The following HS6ST3 variants were observed in gnomAD, a reference collection of about 807,000 sequenced individuals.
The protein encoded by HS6ST3 is heparan-sulfate 6-O-sulfotransferase 3.
HS6ST3 carries 12 observed loss-of-function variants against 36.7 expected under a neutral mutation model. That is an observed-to-expected ratio of 0.33 (90% CI 0.21 to 0.53). HS6ST3 has a LOEUF of 0.53. Ranked by LOEUF, HS6ST3 falls within the 20% of genes least tolerant of loss-of-function variation. The probability of loss-of-function intolerance (pLI) is 0.95; values close to 1 mark genes in which losing one functional copy is unlikely to be tolerated. For missense variants in HS6ST3, 584 were observed against 640.9 expected (o/e 0.91, Z 0.96); for synonymous variants, 240 against 257.5 (o/e 0.93, Z 0.65).
chr13:96,669,297 T>C (rs1290390363), intron 1 of HS6ST3, among the ~76,000 whole-genome samples: 1 of 152,196 alleles, frequency 6.6e-6, no homozygotes, highest in East Asian at 1.9e-4. Flanking sequence ...GGTGGCACTG[T>C]AGTGCACTGT....
At chr13:96,519,483 T>C (rs1013253176) in intron 1 of HS6ST3, among the ~76,000 whole-genome samples, 9 of 152,216 alleles carry the variant, frequency 5.9e-5, no homozygotes, top group Non-Finnish European at 1.0e-4. Flanking sequence ...GATGGGTGTT[T>C]CTGGGCATGG....
At chr13:96,488,185 GA>G (rs1201630332) in intron 1 of HS6ST3, among the ~76,000 whole-genome samples, 1 of 151,970 alleles carries the variant, frequency 6.6e-6, no homozygotes, top group Non-Finnish European at 1.5e-5. Context: ...TGCACCCCGT[GA>G]ACTTGGCTTC....
intron 1 of HS6ST3, among the ~76,000 whole-genome samples, chr13:96,118,330 T>C (rs573560886): frequency 1.3e-5 from 2 of 152,146 alleles, no homozygotes; most frequent in African/African-American, 4.8e-5. Flanking sequence ...AAGACAGAGA[T>C]AAAGTCGCCA....
At chr13:96,157,407 G>C (rs1566895644) in intron 1 of HS6ST3, among the ~76,000 whole-genome samples, 1 of 152,200 alleles carries the variant, frequency 6.6e-6, no homozygotes, top group Admixed American at 6.5e-5. Context: ...AAAACAAAAT[G>C]TCAGCTGGCA....
intron 1 of HS6ST3, among the ~76,000 whole-genome samples, chr13:96,359,016 A>G (rs1451052881): frequency 1.3e-5 from 2 of 152,130 alleles, no homozygotes; most frequent in African/African-American, 4.8e-5. Context: ...TGGGTTTGAA[A>G]CTTTGCAAAA....
chr13:96,681,768 C>T (rs1407335332), intron 1 of HS6ST3, among the ~76,000 whole-genome samples: 1 of 152,056 alleles, frequency 6.6e-6, no homozygotes, highest in Non-Finnish European at 1.5e-5. Context: ...TCTACATAGC[C>T]CAGTTTTTAA....
At chr13:96,241,813 T>A (rs2054561701) in intron 1 of HS6ST3, among the ~76,000 whole-genome samples, 1 of 143,474 alleles carries the variant, frequency 7.0e-6, no homozygotes, top group Non-Finnish European at 1.5e-5. Context: ...TGAGATGGAG[T>A]CTGGCTCTGT....
At chr13:96,370,841 T>C (rs1313617872) in intron 1 of HS6ST3, among the ~76,000 whole-genome samples, 1 of 152,096 alleles carries the variant, frequency 6.6e-6, no homozygotes, top group Non-Finnish European at 1.5e-5. Flanking sequence ...GAGGTTGCAG[T>C]GAGCTGAGAT....
chr13:96,593,363 T>G (rs191548468), intron 1 of HS6ST3, among the ~76,000 whole-genome samples: 177 of 150,874 alleles, frequency 1.2e-3, no homozygotes, highest in African/African-American at 4.1e-3. Context: ...TTTTTTTTGT[T>G]TTTCGTATTT....
At chr13:96,243,671 C>T (rs1233068175) in intron 1 of HS6ST3, among the ~76,000 whole-genome samples, 1 of 151,872 alleles carries the variant, frequency 6.6e-6, no homozygotes, top group African/African-American at 2.4e-5. Context: ...TCAGTCACAA[C>T]AGCTTTTATT....
At chr13:96,250,654 A>G (rs533815521) in intron 1 of HS6ST3, among the ~76,000 whole-genome samples, 35 of 152,310 alleles carry the variant, frequency 2.3e-4, no homozygotes, top group Non-Finnish European at 5.0e-4. Context: ...TATTGGTTTA[A>G]GCCACCAAGT....
At chr13:96,307,053 A>G (rs2054917359) in intron 1 of HS6ST3, among the ~76,000 whole-genome samples, 1 of 151,968 alleles carries the variant, frequency 6.6e-6, no homozygotes, top group African/African-American at 2.4e-5. Context: ...TAGCAGTATG[A>G]CCCCCAGGGG....
At chr13:96,498,307 G>A (rs2055987012) in intron 1 of HS6ST3, among the ~76,000 whole-genome samples, 1 of 152,180 alleles carries the variant, frequency 6.6e-6, no homozygotes, top group African/African-American at 2.4e-5. Flanking sequence ...CTCTGCTTTG[G>A]AGAGACAGAG....
chr13:96,572,605 C>T (rs2056304777), intron 1 of HS6ST3, among the ~76,000 whole-genome samples: 1 of 143,924 alleles, frequency 6.9e-6, no homozygotes, highest in Non-Finnish European at 1.5e-5. Context: ...TTATTGTGGA[C>T]TTTTTTTTTT....
At chr13:96,490,346 A>C (rs1023115497) in intron 1 of HS6ST3, among the ~76,000 whole-genome samples, 1 of 152,154 alleles carries the variant, frequency 6.6e-6, no homozygotes, top group Non-Finnish European at 1.5e-5. Context: ...ACATGTGCAC[A>C]CTAACCTAAA....
rs910001194 is a variant in HS6ST3, at chr13:96,633,038, T to A, written c.708-199452T>A. ...TTCTAATTTTTTTTCTGTTTTTTCA[T>A]CTTGCTTTCCTGTCATTCTTCTAAC... On this transcript the variant is annotated intron_variant, in intron 1 of 1. Transcript: ENST00000376705. Among the ~76,000 whole-genome samples the A allele has an allele frequency of 2.6e-5, 4 of 152,352 alleles. 1 individual carries two copies. Among genetic ancestry groups the A allele is most frequent in the Admixed American group, 2.6e-4 (4 of 15,302 alleles).
chr13:96,317,360 AT>A lies in HS6ST3; in HGVS notation c.707+225792del, dbSNP rs1566322143. Reference sequence around the variant, plus strand: ...TATATATATATATATATATATATATATATATATAAAATTATATATATATATA... The same window carrying A: ...TATATATATATATATATATATATATAATATATAAAATTATATATATATATA... On this transcript the variant is annotated intron_variant, in intron 1 of 1. Transcript: ENST00000376705. 8.5e-4 allele frequency among the ~76,000 whole-genome samples: 25 copies of A among 29,358 alleles called. 1 individual carries two copies. Among genetic ancestry groups the A allele is most frequent in the Admixed American group, 1.3e-3 (3 of 2,250 alleles). 19.3% of individuals were successfully genotyped at this position (29,358 alleles called of 152,430 possible). A position where few individuals can be genotyped will look rare whatever the true frequency, so the allele number is the denominator to read the frequency against.
intron 1 of HS6ST3, among the ~76,000 whole-genome samples, chr13:96,763,342 C>T (rs1195759407): frequency 6.7e-6 from 1 of 149,624 alleles, no homozygotes; most frequent in African/African-American, 2.4e-5. Flanking sequence ...ATTTATATAA[C>T]TAGCAGGGAG....
chr13:96,740,152 G>T (rs1375046477), intron 1 of HS6ST3, among the ~76,000 whole-genome samples: 1 of 151,920 alleles, frequency 6.6e-6, no homozygotes, highest in Non-Finnish European at 1.5e-5. Flanking sequence ...CTTATTCATT[G>T]CCTGTCTCCC....
Sources: allele counts gnomAD v4.1 joint callset (sites outside exome capture counted in the v4.1 genomes callset), GRCh38; gene constraint gnomAD v4.1.1; transcripts MANE v1.5; gene names NCBI Gene and HGNC (gene_info 2026-07-23, HGNC 2026-07-21).